Variants in TNFRSF10C observed in about 807,000 individuals in gnomAD.
TNFRSF10C encodes the protein tumor necrosis factor receptor superfamily member 10C.
TNFRSF10C carries 17 observed loss-of-function variants against 16.7 expected under a neutral mutation model. The observed-to-expected ratio is 1.02, with a 90% CI of 0.70 to 1.53. TNFRSF10C has a LOEUF of 1.53. Among genes scored for constraint, TNFRSF10C ranks in the 40% most tolerant of loss-of-function variants. The pLI, the probability that TNFRSF10C is intolerant of heterozygous loss-of-function variation, is 0.00. For missense variants in TNFRSF10C, 237 were observed against 329.7 expected, an observed-to-expected ratio of 0.72 and a Z score of 2.18; for synonymous variants, 73 against 119.7, an observed-to-expected ratio of 0.61 and a Z score of 2.55.
rs2128831891 is a variant in TNFRSF10C, at chr8:23,116,166, G to C, written c.390-475G>C. 2.0e-5 allele frequency among the ~76,000 whole-genome samples: 3 copies of C among 152,270 alleles called. No homozygotes were observed. In the South Asian group the frequency reaches 6.2e-4, roughly 32 times the overall value. On this transcript the variant is annotated intron_variant, in intron 4 of 4. Coordinates refer to ENST00000356864, the MANE Select transcript of TNFRSF10C (RefSeq NM_003841.5). ...ACCCCTGGCCCCAATCCCTCAATAA[G>C]TCCTGTCTTTTCCCTATTTGGGCTT...
intron 1 of TNFRSF10C, among the ~76,000 whole-genome samples, chr8:23,110,677 T>C (rs528922282): frequency 8.4e-4 from 128 of 152,326 alleles, no homozygotes; most frequent in African/African-American, 2.8e-3. Context: ...TGATATTTAG[T>C]GGGAGCAGCT....
At chr8:23,111,177 G>A (rs989207444) in intron 1 of TNFRSF10C, among the ~76,000 whole-genome samples, 2 of 151,836 alleles carry the variant, frequency 1.3e-5, no homozygotes, top group Admixed American at 6.6e-5. Context: ...TATAATATGA[G>A]AAAAGGATAC....
chr8:23,106,496 A>G (rs1235337685), intron 1 of TNFRSF10C, among the ~76,000 whole-genome samples: 3 of 151,460 alleles, frequency 2.0e-5, no homozygotes, highest in African/African-American at 4.9e-5. Context: ...ACAGGAGACA[A>G]GCACACACAT....
chr8:23,111,692 C>G (rs767521985), intron 1 of TNFRSF10C, 28 bp from the exon 2 acceptor site: 2 of 1,582,934 alleles, frequency 1.3e-6, no homozygotes, highest in Non-Finnish European at 8.7e-7. Context: ...GGAAGTCACT[C>G]ACACCCATCA....
chr8:23,111,249 G>A (rs988404810), intron 1 of TNFRSF10C, among the ~76,000 whole-genome samples: 46 of 148,756 alleles, frequency 3.1e-4, no homozygotes, highest in Admixed American at 2.3e-3. Flanking sequence ...ATGGAGTCTC[G>A]CACTGTCACC....
chr8:23,115,568 G>C lies in TNFRSF10C; in HGVS notation c.341G>C (p.Gly114Ala). 6.2e-7 allele frequency: 1 copy of C among 1,613,332 alleles called. No individual in the cohort carries two copies. The highest frequency in any genetic ancestry group is 1.1e-5 in the South Asian group (1 of 90,844). ...GACACAGTGTGTCAGTGTAAAGAAG[G>C]CACCTTCCGGAATGAAAACTCCCCA... ...TRDTVCQCKEGTFRNENSPEM... is the reference protein window; with the variant it reads ...TRDTVCQCKEATFRNENSPEM... Residue 114 changes from glycine (G) to alanine (A), a missense_variant, in exon 4 of 5, where the codon GGC becomes GCC. Physicochemically the swap from Gly to Ala is moderately conservative, Grantham distance 60. This residue lies in a region of TNFRSF10C where 212 missense variants were observed against 196.8 expected (regional missense o/e 1.08). Coordinates refer to ENST00000356864, the MANE Select transcript of TNFRSF10C (RefSeq NM_003841.5).
chr8:23,108,218 A>G (rs2128830335), intron 1 of TNFRSF10C, among the ~76,000 whole-genome samples: 1 of 152,258 alleles, frequency 6.6e-6, no homozygotes, highest in South Asian at 2.1e-4. Flanking sequence ...AGGAAAGTAC[A>G]CTTGGAAGAT....
chr8:23,102,975 G>A lies in TNFRSF10C; in HGVS notation c.-147G>A. ...CGCACGAACTCAGCCAACGATTTCT[G>A]ATAGATTTTTGGGAGTTTGACCAGA... On this transcript the variant is annotated 5_prime_UTR_variant, in exon 1 of 5. Transcript: ENST00000356864. 6.6e-7 allele frequency: 1 copy of A among 1,525,166 alleles called. No individual in the cohort carries two copies. 94.5% of individuals were successfully genotyped at this position (1,525,166 alleles called of 1,614,324 possible).
At chr8:23,116,474 C>T (rs1314691596) in intron 4 of TNFRSF10C, among the ~76,000 whole-genome samples, 167 bp from the exon 5 acceptor site, 1 of 152,182 alleles carries the variant, frequency 6.6e-6, no homozygotes. Flanking sequence ...ATGCTCAGAC[C>T]CTTCCCCAGC....
chr8:23,108,583 T>C (rs911542185), intron 1 of TNFRSF10C, among the ~76,000 whole-genome samples: 1 of 152,214 alleles, frequency 6.6e-6, no homozygotes, highest in African/African-American at 2.4e-5. Flanking sequence ...CCTTTGTAGT[T>C]AAAAGGGTTA....
intron 1 of TNFRSF10C, 29 bp downstream of exon 1, chr8:23,103,210 G>C (rs1228899713): frequency 6.2e-7 from 1 of 1,602,070 alleles, no homozygotes; most frequent in East Asian, 2.2e-5. Flanking sequence ...CCCTGGCTGG[G>C]GAAGAGCGCA....
rs201656774 is a variant in TNFRSF10C, at chr8:23,115,538, C to T, written c.311C>T (p.Thr104Ile). 6.2e-7 allele frequency: 1 copy of T among 1,613,252 alleles called. No homozygotes were observed. The highest frequency in any genetic ancestry group is 1.3e-5 in the African/African-American group (1 of 75,010). Reference protein sequence around the residue: ...DQKHKSSCTMTRDTVCQCKEG... With the variant: ...DQKHKSSCTMIRDTVCQCKEG... ...AAACATAAAAGTTCCTGCACCATGA[C>T]CAGAGACACAGTGTGTCAGTGTAAA... The change falls in exon 4 of 5, where the codon ACC becomes ATC. Residue 104 changes from threonine to isoleucine, a missense_variant. By Grantham distance (89) the Thr-to-Ile change is moderately conservative. Coordinates refer to ENST00000356864, the MANE Select transcript of TNFRSF10C (RefSeq NM_003841.5).
chr8:23,106,442 T>C (rs914161379), intron 1 of TNFRSF10C, among the ~76,000 whole-genome samples: 2 of 151,814 alleles, frequency 1.3e-5, no homozygotes, highest in African/African-American at 4.8e-5. Flanking sequence ...TTTTTTTTTT[T>C]TTTTTAGCTG....
chr8:23,107,292 C>T (rs1227371750), intron 1 of TNFRSF10C, among the ~76,000 whole-genome samples: 2 of 152,206 alleles, frequency 1.3e-5, no homozygotes, highest in African/African-American at 2.4e-5. Flanking sequence ...CATTAAAATT[C>T]GACCAATCTA....
At chr8:23,116,590 C>G in intron 4 of TNFRSF10C, 51 bp from the exon 5 acceptor site, 2 of 1,577,736 alleles carry the variant, frequency 1.3e-6, no homozygotes, top group Non-Finnish European at 1.7e-6. Flanking sequence ...TTTATCCCAC[C>G]TGGCTAGCTT....
chr8:23,115,358 T>C, intron 3 of TNFRSF10C, 150 bp from the exon 4 acceptor site: 1 of 579,738 alleles, frequency 1.7e-6, no homozygotes, highest in Non-Finnish European at 3.1e-6. Context: ...GTGGGTGTCC[T>C]GTATGAGCCC....
At position 23,102,990 on chromosome 8, in the gene TNFRSF10C, G is replaced by A. The variant is rs1190679616; in HGVS notation, c.-132G>A. The A allele has an allele frequency of 1.3e-6, 2 of 1,535,294 alleles. No individual in the cohort carries two copies. Among genetic ancestry groups the A allele is most frequent in the Admixed American group, 2.0e-5 (1 of 49,660 alleles). On this transcript the variant is annotated 5_prime_UTR_variant, in exon 1 of 5. Coordinates refer to ENST00000356864, the MANE Select transcript of TNFRSF10C (RefSeq NM_003841.5). ...AACGATTTCTGATAGATTTTTGGGA[G>A]TTTGACCAGAGATGCAAGGGGTGAA...
chr8:23,115,931 C>G (rs775175736), intron 4 of TNFRSF10C, among the ~76,000 whole-genome samples: 7 of 152,162 alleles, frequency 4.6e-5, no homozygotes, highest in Non-Finnish European at 8.8e-5. Flanking sequence ...AATGCGATTT[C>G]CTTTTGAAAT....
Position 23,106,929 on chromosome 8 carries a change from G to GA in TNFRSF10C, c.60+3761dup, listed in dbSNP as rs34115251. ...GAGAACCTGGGAAGCAGAGCTTTCA[G>GA]AAAAAAAAAAAAAGGAGATTGTCCT... On this transcript the variant is annotated intron_variant, in intron 1 of 4. Transcript: ENST00000356864. 1.7e-3 allele frequency among the ~76,000 whole-genome samples: 247 copies of GA among 143,960 alleles called. 2 individuals are homozygous for GA. The highest frequency in any genetic ancestry group is 7.1e-3 in the Middle Eastern group (2 of 280). 94.4% of individuals were successfully genotyped at this position (143,960 alleles called of 152,430 possible). A position where few individuals can be genotyped will look rare whatever the true frequency, so the allele number is the denominator to read the frequency against.
Sources: allele counts gnomAD v4.1 joint callset (sites outside exome capture counted in the v4.1 genomes callset), GRCh38; gene constraint gnomAD v4.1.1; regional missense constraint gnomAD v4.1.1; transcripts MANE v1.5; gene names NCBI Gene and HGNC (gene_info 2026-07-23, HGNC 2026-07-21).